ZNF429: variants seen among roughly 807,000 people sequenced by gnomAD.
ZNF429 encodes zinc finger protein 429.
A neutral mutation model predicts 56.8 loss-of-function variants in ZNF429; 53 were observed. The observed-to-expected ratio is 0.93, with a 90% CI of 0.75 to 1.17. The LOEUF is 1.17. Among genes scored for constraint, ZNF429 ranks in the 50% most tolerant of loss-of-function variants. The pLI is 0.00. For missense variants in ZNF429, 849 were observed against 788.4 expected, an observed-to-expected ratio of 1.08 and a Z score of -0.92; for synonymous variants, 278 against 264.7, an observed-to-expected ratio of 1.05 and a Z score of -0.49.
intron 1 of ZNF429, among the ~76,000 whole-genome samples, chr19:21,508,283 AC>A (rs2032282853): frequency 6.6e-6 from 1 of 151,958 alleles, no homozygotes; most frequent in Non-Finnish European, 1.5e-5. Flanking sequence ...GACAAAAGAA[AC>A]CCTGACCCCG....
intron 1 of ZNF429, among the ~76,000 whole-genome samples, chr19:21,528,068 A>G (rs2033232262): frequency 1.3e-5 from 2 of 152,250 alleles, no homozygotes; most frequent in South Asian, 4.1e-4. Context: ...ATCTTTCTCT[A>G]CATTCTCTAC....
intron 1 of ZNF429, among the ~76,000 whole-genome samples, chr19:21,526,972 A>T (rs2033193369): frequency 6.6e-6 from 1 of 152,070 alleles, no homozygotes. Flanking sequence ...AGCCCATTCC[A>T]CTTTGGCTCT....
At chr19:21,519,866 A>ATTTT (rs33916077) in intron 1 of ZNF429, among the ~76,000 whole-genome samples, 13 of 145,092 alleles carry the variant, frequency 9.0e-5, no homozygotes, top group African/African-American at 3.1e-4. Context: ...GCACCCATGA[A>ATTTT]TTTTTTTTTT....
In ZNF429 at chr19:21,538,099, AC is replaced by A; in HGVS notation, c.*22del. ...GCTAACATGGTGAAACCCCGTCTCT[AC>A]TAAAAATACAAAAAAAAAAAAAAAA... is the stretch of plus-strand genomic sequence containing the variant. On this transcript the variant is annotated 3_prime_UTR_variant, in exon 4 of 4. Transcript: ENST00000358491. 2 of 838,428 alleles carry A rather than the reference AC, an allele frequency of 2.4e-6. No individual in the cohort carries two copies. The highest frequency in any genetic ancestry group is 3.5e-5 in the Admixed American group (1 of 28,556). The allele number at this position is 838,428 out of a possible 1,614,324, so 51.9% of individuals were successfully genotyped here.
intron 1 of ZNF429, chr19:21,505,998 C>G (rs1203541110): frequency 2.3e-6 from 1 of 436,608 alleles, no homozygotes; most frequent in Admixed American, 3.5e-5. Context: ...CTGTGCCTGA[C>G]GTGTAGCCCT....
chr19:21,535,375 T>C, intron 3 of ZNF429, among the ~76,000 whole-genome samples: 5,269 of 83,656 alleles, frequency 0.063, 908 homozygotes, highest in Middle Eastern at 0.083. Flanking sequence ...CTTTCTTTCT[T>C]TCTTTTTTAC....
intron 1 of ZNF429, among the ~76,000 whole-genome samples, chr19:21,512,523 G>T (rs2032541499): frequency 6.6e-6 from 1 of 151,924 alleles, no homozygotes; most frequent in Non-Finnish European, 1.5e-5. Context: ...AATTAGCTGG[G>T]CATGGTGGCG....
Position 21,536,287 on chromosome 19 carries a change from T to C in ZNF429, c.234T>C (p.Cys78=). ...GTTTTAATTTTATTTTAGTTGTGTG[T>C]TCTCATTTTGCTGAAGACTTTTGGC... ...HEMVDEPPVV[C]SHFAEDFWPE... Residue 78 remains cysteine (C), a synonymous_variant, in exon 4 of 4, where the codon TGT becomes TGC. Transcript: ENST00000358491. 3 of 1,570,086 alleles carry C rather than the reference T, an allele frequency of 1.9e-6. No homozygotes were observed. The highest frequency in any genetic ancestry group is 2.6e-6 in the Non-Finnish European group (3 of 1,162,048).
At chr19:21,519,637 A>T (rs1258492680) in intron 1 of ZNF429, among the ~76,000 whole-genome samples, 3 of 152,164 alleles carry the variant, frequency 2.0e-5, no homozygotes, top group African/African-American at 7.2e-5. Flanking sequence ...TGTATGTAAA[A>T]GTTAAATGCT....
At chr19:21,535,428 CTTT>C in intron 3 of ZNF429, among the ~76,000 whole-genome samples, 3 of 6,804 alleles carry the variant, frequency 4.4e-4, no homozygotes, top group Non-Finnish European at 5.9e-4. Context: ...TTCTTTCTTT[CTTT>C]CTTTCTTTCT....
chr19:21,506,045 T>G, intron 1 of ZNF429: 1 of 297,492 alleles, frequency 3.4e-6, no homozygotes. Flanking sequence ...CCGCAGTCTC[T>G]CCCAGATTGT....
chr19:21,538,277 C>CAAAA lies in ZNF429; in HGVS notation c.*218_*221dup, dbSNP rs531427318. Among the ~76,000 whole-genome samples, 491 of 34,254 alleles carry CAAAA rather than the reference C, an allele frequency of 0.014. 32 individuals carry two copies. The highest frequency in any genetic ancestry group is 0.05 in the Middle Eastern group (1 of 20). 22.5% of individuals were successfully genotyped at this position (34,254 alleles called of 152,430 possible). On this transcript the variant is annotated 3_prime_UTR_variant, in exon 4 of 4. Coordinates refer to ENST00000358491, the MANE Select transcript of ZNF429 (RefSeq NM_001001415.4). ...TGGGTGACAGAGCCAGACTCCATCT[C>CAAAA]AAAAAAAAAAAAAAAAAAAAAAGAA...
chr19:21,505,704 T>G lies in ZNF429; in HGVS notation c.-68T>G, dbSNP rs1304824681. Reference sequence around the variant, plus strand: ...TTTGTTCTTAGAGGCCCAGCCTGTGTGGCCCTGTGACCCGCAGATATTGGG... The same window carrying G: ...TTTGTTCTTAGAGGCCCAGCCTGTGGGGCCCTGTGACCCGCAGATATTGGG... On this transcript the variant is annotated 5_prime_UTR_variant, in exon 1 of 4. Coordinates refer to ENST00000358491, the MANE Select transcript of ZNF429 (RefSeq NM_001001415.4). The G allele has an allele frequency of 1.9e-6, 3 of 1,571,280 alleles. No homozygotes were observed. In the African/African-American group the frequency reaches 4.1e-5, roughly 21 times the overall value.
intron 3 of ZNF429, among the ~76,000 whole-genome samples, chr19:21,532,114 A>G: frequency 6.6e-6 from 1 of 152,156 alleles, no homozygotes; most frequent in African/African-American, 2.4e-5. Flanking sequence ...AAATATATCA[A>G]TGAAAGAAAT....
chr19:21,530,975 A>AC, intron 3 of ZNF429, among the ~76,000 whole-genome samples: 1 of 151,790 alleles, frequency 6.6e-6, no homozygotes, highest in Non-Finnish European at 1.5e-5. Flanking sequence ...GCATGGTGTC[A>AC]CATGCCTGCA....
Position 21,540,032 on chromosome 19 carries a change from C to T in ZNF429, c.*1954C>T, listed in dbSNP as rs2562399. ...TTCAGAGTAATATGCCTCTGTATTA[C>T]AGTGATAGAAAATATTTTTTAGTTA... On this transcript the variant is annotated 3_prime_UTR_variant, in exon 4 of 4. Transcript: ENST00000358491. Among the ~76,000 whole-genome samples, 29,678 of 151,924 alleles carry T rather than the reference C, an allele frequency of 0.2. 2,978 individuals carry two copies. The highest frequency in any genetic ancestry group is 0.22 in the Middle Eastern group (64 of 292).
intron 1 of ZNF429, among the ~76,000 whole-genome samples, chr19:21,528,346 T>G (rs2033243549): frequency 1.3e-5 from 2 of 151,982 alleles, no homozygotes; most frequent in South Asian, 4.1e-4. Flanking sequence ...AAAAATAATA[T>G]ATATTAGGAG....
chr19:21,524,405 G>T (rs1199463130), intron 1 of ZNF429, among the ~76,000 whole-genome samples: 1 of 152,154 alleles, frequency 6.6e-6, no homozygotes, highest in Non-Finnish European at 1.5e-5. Flanking sequence ...GCACATGCCT[G>T]TAATCCCAGC....
At chr19:21,511,437 C>T (rs1014343480) in intron 1 of ZNF429, among the ~76,000 whole-genome samples, 26 of 149,862 alleles carry the variant, frequency 1.7e-4, no homozygotes, top group South Asian at 8.5e-4. Flanking sequence ...ACATCCCAGA[C>T]GGGGCAGTGG....
Sources: allele counts gnomAD v4.1 joint callset (sites outside exome capture counted in the v4.1 genomes callset), GRCh38; gene constraint gnomAD v4.1.1; transcripts MANE v1.5; gene names NCBI Gene and HGNC (gene_info 2026-07-23, HGNC 2026-07-21).